Variants in ROBO2 observed in about 807,000 individuals in gnomAD.
ROBO2 encodes the protein roundabout guidance receptor 2, also known as roundabout homolog 2.
In ROBO2, 53 loss-of-function variants were observed where a neutral mutation model predicts 160.8. The ratio of observed to expected loss-of-function variants is 0.33; its 90% CI spans 0.26 to 0.41. The LOEUF is 0.41. Ranked by LOEUF, ROBO2 falls within the 10% of genes least tolerant of loss-of-function variation. The probability of loss-of-function intolerance (pLI) is 1.00; values close to 1 mark genes in which losing one functional copy is unlikely to be tolerated. For missense variants in ROBO2, 1,577 were observed against 1,722.4 expected (o/e 0.92, Z 1.49); for synonymous variants, 664 against 611.7 (o/e 1.09, Z -1.26).
intron 2 of ROBO2, among the ~76,000 whole-genome samples, chr3:76,034,747 T>C (rs989564267): frequency 6.6e-6 from 1 of 152,062 alleles, no homozygotes; most frequent in Non-Finnish European, 1.5e-5. Context: ...CAGTGGCTGG[T>C]AGAAAAAAGT....
chr3:76,362,935 C>T (rs1029800450), intron 2 of ROBO2, among the ~76,000 whole-genome samples: 2 of 151,976 alleles, frequency 1.3e-5, no homozygotes, highest in Non-Finnish European at 2.9e-5. Context: ...CTTCTGGGAG[C>T]TAGTCTTGGG....
intron 2 of ROBO2, among the ~76,000 whole-genome samples, chr3:76,245,109 A>G (rs981436601): frequency 6.6e-6 from 1 of 152,270 alleles, no homozygotes; most frequent in African/African-American, 2.4e-5. Flanking sequence ...ATGGGAAAAC[A>G]GAATCCATTA....
chr3:77,043,725 A>G (rs2064333257), intron 1 of ROBO2, among the ~76,000 whole-genome samples: 1 of 152,176 alleles, frequency 6.6e-6, no homozygotes, highest in Non-Finnish European at 1.5e-5. Flanking sequence ...ATTAATATGA[A>G]CTATGGCAAC....
At chr3:76,061,812 C>T (rs2068078648) in intron 2 of ROBO2, among the ~76,000 whole-genome samples, 1 of 152,132 alleles carries the variant, frequency 6.6e-6, no homozygotes, top group African/African-American at 2.4e-5. Flanking sequence ...AAGGTATCAG[C>T]AGGACTGAAT....
intron 2 of ROBO2, among the ~76,000 whole-genome samples, chr3:76,763,253 C>T (rs2108402870): frequency 6.6e-6 from 1 of 151,754 alleles, no homozygotes; most frequent in Middle Eastern, 3.4e-3. Context: ...CTAATGATGC[C>T]AACTACCCAT....
chr3:76,044,154 G>T (rs2067372333), intron 2 of ROBO2, among the ~76,000 whole-genome samples: 1 of 151,968 alleles, frequency 6.6e-6, no homozygotes, highest in Non-Finnish European at 1.5e-5. Flanking sequence ...CCTCTTTTCT[G>T]TATTTCTGTT....
intron 2 of ROBO2, among the ~76,000 whole-genome samples, chr3:77,219,689 A>G (rs2085523681): frequency 6.6e-6 from 1 of 151,328 alleles, no homozygotes; most frequent in African/African-American, 2.4e-5. Context: ...AAATGGTTAA[A>G]CAGTAGTATT....
intron 2 of ROBO2, among the ~76,000 whole-genome samples, chr3:76,216,468 T>C (rs941489367): frequency 1.3e-5 from 2 of 152,094 alleles, no homozygotes; most frequent in African/African-American, 2.4e-5. Context: ...GAGGAAGATC[T>C]ACCAAGCAAA....
chr3:77,301,308 A>G (rs1410570348), intron 2 of ROBO2, among the ~76,000 whole-genome samples: 1 of 152,138 alleles, frequency 6.6e-6, no homozygotes, highest in Non-Finnish European at 1.5e-5. Flanking sequence ...TATTATCAGA[A>G]TAATTATTCT....
Position 76,671,329 on chromosome 3 carries a change from A to G in ROBO2, c.110-426685A>G, listed in dbSNP as rs1031708804. ...TACAGTACTCATGTGTACTTGGAGA[A>G]TAACGCTGGCCTTCTCCCCTGTAGA... On this transcript the variant is annotated intron_variant, in intron 2 of 26. Transcript: ENST00000487694. Among the ~76,000 whole-genome samples the G allele has an allele frequency of 3.3e-5, 5 of 152,170 alleles. No individual in the cohort carries two copies. The East Asian group carries it at 9.6e-4, about 29-fold the overall frequency.
At position 76,141,147 on chromosome 3, in the gene ROBO2, CTCTCTCTCTCTCTATA is replaced by C. The variant is rs1393325496; in HGVS notation, c.109+203547_109+203562del. Reference sequence around the variant, plus strand: ...TCTCTCTCTCTCTCTCTCTCTCTCTCTCTCTCTCTCTCTATATATATATATATATATATATATATAT... The same window carrying C: ...TCTCTCTCTCTCTCTCTCTCTCTCTCTATATATATATATATATATATATAT... On this transcript the variant is annotated intron_variant, in intron 2 of 26. Coordinates refer to the ROBO2 transcript ENST00000487694. Among the ~76,000 whole-genome samples the C allele has an allele frequency of 2.3e-4, 13 of 56,340 alleles. No individual in the cohort carries two copies. In the East Asian group the frequency reaches 2.4e-3, roughly 10 times the overall value. The allele number at this position is 56,340 out of a possible 152,430, so 37.0% of individuals were successfully genotyped here. A position where few individuals can be genotyped will look rare whatever the true frequency, so the allele number is the denominator to read the frequency against.
At chr3:77,436,645 G>A (rs533141854) in intron 2 of ROBO2, among the ~76,000 whole-genome samples, 8 of 151,890 alleles carry the variant, frequency 5.3e-5, no homozygotes, top group African/African-American at 1.7e-4. Flanking sequence ...GATGTAAAAA[G>A]AACATAGAAA....
intron 2 of ROBO2, among the ~76,000 whole-genome samples, chr3:76,518,083 G>A (rs2081426218): frequency 6.6e-6 from 1 of 152,060 alleles, no homozygotes. Context: ...AATTACTTAT[G>A]TGAATTGGAA....
chr3:77,215,742 G>A (rs1204251317), intron 2 of ROBO2, among the ~76,000 whole-genome samples: 8 of 152,206 alleles, frequency 5.3e-5, no homozygotes, highest in South Asian at 2.1e-4. Flanking sequence ...TGATGGTGAC[G>A]TACAGATGGG....
intron 2 of ROBO2, among the ~76,000 whole-genome samples, chr3:76,590,024 T>G (rs2108814387): frequency 6.6e-6 from 1 of 152,272 alleles, no homozygotes; most frequent in Admixed American, 6.5e-5. Flanking sequence ...AGGCTTAAAC[T>G]AATATTATAC....
chr3:77,410,006 T>G (rs1467899515), intron 2 of ROBO2, among the ~76,000 whole-genome samples: 1 of 152,218 alleles, frequency 6.6e-6, no homozygotes, highest in Admixed American at 6.5e-5. Context: ...TTATATCTGC[T>G]AATGTTCACT....
intron 2 of ROBO2, among the ~76,000 whole-genome samples, chr3:77,150,290 G>A (rs1479362155): frequency 6.6e-6 from 1 of 152,182 alleles, no homozygotes; most frequent in Admixed American, 6.5e-5. Flanking sequence ...GCGAATGCAT[G>A]CATATTAGTC....
At chr3:77,384,629 G>C (rs1459437195) in intron 2 of ROBO2, among the ~76,000 whole-genome samples, 1 of 152,040 alleles carries the variant, frequency 6.6e-6, no homozygotes, top group Non-Finnish European at 1.5e-5. Context: ...CCAGTACTTT[G>C]CCTGAAATAT....
chr3:77,151,645 G>A (rs2077554509), intron 2 of ROBO2, among the ~76,000 whole-genome samples: 1 of 152,136 alleles, frequency 6.6e-6, no homozygotes, highest in Admixed American at 6.6e-5. Flanking sequence ...TATGGCTTAA[G>A]TATTTTCTTT....
Sources: allele counts gnomAD v4.1 joint callset (sites outside exome capture counted in the v4.1 genomes callset), GRCh38; gene constraint gnomAD v4.1.1; transcripts MANE v1.5; gene names NCBI Gene and HGNC (gene_info 2026-07-23, HGNC 2026-07-21).